The following DIAPH2 variants were observed in gnomAD, a reference collection of about 807,000 sequenced individuals.
DIAPH2 encodes protein diaphanous homolog 2.
DIAPH2 carries 35 observed loss-of-function variants against 92.7 expected under a neutral mutation model. That is an observed-to-expected ratio of 0.38 (90% CI 0.29 to 0.50). The LOEUF is 0.50. Among genes scored for constraint, DIAPH2 ranks in the 20% least tolerant of loss-of-function variants. The pLI is 0.94. For missense variants in DIAPH2, 701 were observed against 819.5 expected, an observed-to-expected ratio of 0.86 and a Z score of 1.77; for synonymous variants, 301 against 280.4, an observed-to-expected ratio of 1.07 and a Z score of -0.73.
chrX:97,509,051 ATTT>A (rs1298501510), intron 26 of DIAPH2, among the ~76,000 whole-genome samples: 1 of 102,542 alleles, frequency 9.8e-6, no homozygotes, highest in African/African-American at 3.8e-5. Flanking sequence ...TTATTTATTT[ATTT>A]ATTATTTTTT....
At chrX:96,781,409 G>T (rs1429933982) in intron 4 of DIAPH2, among the ~76,000 whole-genome samples, 1 of 111,294 alleles carries the variant, frequency 9.0e-6, no homozygotes, top group Non-Finnish European at 1.9e-5. Context: ...CTCCATACTC[G>T]TGGAATATTA....
At chrX:97,569,457 A>C (rs1004780562) in intron 26 of DIAPH2, among the ~76,000 whole-genome samples, 8 of 111,959 alleles carry the variant, frequency 7.1e-5, no homozygotes, top group African/African-American at 2.6e-4. Flanking sequence ...CTATCCATCC[A>C]TCCATCCCAA....
At chrX:97,569,491 T>A (rs1204608399) in intron 26 of DIAPH2, among the ~76,000 whole-genome samples, 1 of 111,832 alleles carries the variant, frequency 8.9e-6, no homozygotes, top group Non-Finnish European at 1.9e-5. Context: ...AAGGTGCTAG[T>A]CCACATAATT....
Position 97,169,335 on chromosome X carries a change from G to C in DIAPH2, c.2719+27541G>C, listed in dbSNP as rs527476424. Among the ~76,000 whole-genome samples the C allele has an allele frequency of 4.5e-5, 5 of 111,642 alleles. No individual in the cohort carries two copies. In the South Asian group the frequency reaches 1.9e-3, roughly 42 times the overall value. ...TAGGGCCTCCTAGGCCATTTTAAAG[G>C]CTTGAGCTTTTACTTTGAGATGGTA... is the stretch of plus-strand genomic sequence containing the variant. On this transcript the variant is annotated intron_variant, in intron 22 of 26. Transcript: ENST00000324765.
At chrX:96,927,355 T>C (rs1018377980) in intron 9 of DIAPH2, among the ~76,000 whole-genome samples, 3 of 106,156 alleles carry the variant, frequency 2.8e-5, no homozygotes, top group Admixed American at 2.0e-4. Flanking sequence ...CACTCATCTC[T>C]TAAAGATTTA....
rs371535361 is a variant in DIAPH2, at chrX:96,962,328, T to C, written c.1936-2765T>C. 8.6e-4 allele frequency among the ~76,000 whole-genome samples: 60 copies of C among 69,623 alleles called. 3 individuals are homozygous for C. Among genetic ancestry groups the C allele is most frequent in the African/African-American group, 3.1e-3 (49 of 15,991 alleles). The allele number at this position is 69,623 out of a possible 115,157, so 60.5% of individuals were successfully genotyped here. A position where few individuals can be genotyped will look rare whatever the true frequency, so the allele number is the denominator to read the frequency against. On this transcript the variant is annotated intron_variant, in intron 16 of 26. Coordinates refer to ENST00000324765, the MANE Select transcript of DIAPH2 (RefSeq NM_006729.5). ...ATATATATACATATATATATACACA[T>C]ATATATATACATATATATATATACA...
intron 4 of DIAPH2, among the ~76,000 whole-genome samples, chrX:96,850,351 C>T (rs2064999577): frequency 8.9e-6 from 1 of 112,232 alleles, no homozygotes; most frequent in Middle Eastern, 4.6e-3. Flanking sequence ...AAACATTGTT[C>T]TAAGTGTCTT....
intron 4 of DIAPH2, among the ~76,000 whole-genome samples, chrX:96,844,683 C>T (rs978631702): frequency 8.9e-6 from 1 of 111,868 alleles, no homozygotes; most frequent in African/African-American, 3.2e-5. Context: ...GTGATACTTC[C>T]GTTTCATATA....
chrX:96,694,867 C>T (rs1394944288), intron 1 of DIAPH2, among the ~76,000 whole-genome samples: 3 of 110,387 alleles, frequency 2.7e-5, no homozygotes, highest in South Asian at 7.7e-4. Flanking sequence ...TTAGGGTGCC[C>T]TCAGCTTGTT....
chrX:97,179,651 A>G (rs151211195), intron 22 of DIAPH2, among the ~76,000 whole-genome samples: 1,271 of 111,863 alleles, frequency 0.011, 8 homozygotes, highest in Middle Eastern at 0.023. Flanking sequence ...TGCTATTGTA[A>G]ATAGTGCTGC....
At chrX:97,348,864 A>G (rs1367793898) in intron 24 of DIAPH2, among the ~76,000 whole-genome samples, 2 of 109,916 alleles carry the variant, frequency 1.8e-5, no homozygotes, top group Non-Finnish European at 3.8e-5. Flanking sequence ...AGGCTTTGCT[A>G]TATAAATGCT....
At chrX:97,014,837 A>G (rs2066249920) in intron 17 of DIAPH2, among the ~76,000 whole-genome samples, 1 of 112,070 alleles carries the variant, frequency 8.9e-6, no homozygotes. Flanking sequence ...GGTTTTCATG[A>G]TGGTAAAAAT....
At chrX:96,856,364 C>G (rs1380255532) in intron 4 of DIAPH2, among the ~76,000 whole-genome samples, 3 of 110,153 alleles carry the variant, frequency 2.7e-5, no homozygotes. Flanking sequence ...TCCAGACACC[C>G]CAGTTCTCAC....
chrX:96,698,581 A>G lies in DIAPH2; in HGVS notation c.132+13391A>G, dbSNP rs185211039. ...AAGTGCATAATGTAGTTTGAGTTCT[A>G]GTCCCCTTAGTTTGATCCATCATCC... On this transcript the variant is annotated intron_variant, in intron 1 of 26. Transcript: ENST00000324765. Among the ~76,000 whole-genome samples, 6 of 111,210 alleles carry G rather than the reference A, an allele frequency of 5.4e-5. 1 individual carries two copies. The highest frequency in any genetic ancestry group is 2.0e-4 in the African/African-American group (6 of 30,574).
intron 4 of DIAPH2, among the ~76,000 whole-genome samples, chrX:96,775,661 C>T (rs1472443214): frequency 1.8e-5 from 2 of 110,253 alleles, no homozygotes; most frequent in Admixed American, 9.8e-5. Flanking sequence ...TTAGAGCGTA[C>T]GTTAAAACAC....
At chrX:96,758,729 T>A (rs1319883003) in intron 4 of DIAPH2, among the ~76,000 whole-genome samples, 1 of 111,967 alleles carries the variant, frequency 8.9e-6, no homozygotes, top group African/African-American at 3.2e-5. Flanking sequence ...TTTTATATGA[T>A]GCAAACTAAG....
Position 97,601,306 on chromosome X carries a change from A to AAAT in DIAPH2, c.*1991_*1993dup, listed in dbSNP as rs745855940. 1 of 112,089 alleles carries AAAT rather than the reference A, an allele frequency of 8.9e-6. No individual in the cohort carries two copies. The highest frequency in any genetic ancestry group is 2.8e-4 in the East Asian group (1 of 3,586). The allele number at this position is 112,089 out of a possible 1,213,427, so 9.2% of individuals were successfully genotyped here. A position where few individuals can be genotyped will look rare whatever the true frequency, so the allele number is the denominator to read the frequency against. On this transcript the variant is annotated 3_prime_UTR_variant, in exon 27 of 27. Transcript: ENST00000324765. ...TATATTATCAAGCTGGTCAAGGTAG[A>AAAT]AATACTGATATGTATCATCACCTTT...
chrX:97,063,300 A>C (rs182478907), intron 17 of DIAPH2, among the ~76,000 whole-genome samples: 2 of 111,412 alleles, frequency 1.8e-5, no homozygotes, highest in East Asian at 5.7e-4. Flanking sequence ...TGTGCATAGA[A>C]TAAGAACTGT....
chrX:97,578,726 G>C (rs1227909406), intron 26 of DIAPH2, among the ~76,000 whole-genome samples: 2 of 57,379 alleles, frequency 3.5e-5, no homozygotes, highest in Admixed American at 4.9e-4. Flanking sequence ...TCCAGTTCTA[G>C]ATCCCTGAGG....
Sources: gnomAD v4.1 joint callset for allele counts (sites outside exome capture counted in the v4.1 genomes callset) on GRCh38, gnomAD v4.1.1 for gene constraint, MANE v1.5 for transcripts, NCBI Gene and HGNC (gene_info 2026-07-23, HGNC 2026-07-21) for gene names.